The following PTPRD variants were observed in gnomAD, a reference collection of about 807,000 sequenced individuals.
PTPRD encodes receptor-type tyrosine-protein phosphatase delta.
A neutral mutation model predicts 214.5 loss-of-function variants in PTPRD; 34 were observed. The observed-to-expected ratio is 0.16, with a 90% CI of 0.12 to 0.21. PTPRD has a LOEUF of 0.21. PTPRD is among the 10% of genes least tolerant of loss of function. The probability of loss-of-function intolerance (pLI) is 1.00; values close to 1 mark genes in which losing one functional copy is unlikely to be tolerated. For synonymous variants in PTPRD, 1,128 were observed against 845.7 expected (o/e 1.33, Z -5.79); for missense variants, 2,545 against 2,398.7 (o/e 1.06, Z -1.27).
intron 10 of PTPRD, among the ~76,000 whole-genome samples, chr9:9,164,035 C>G (rs2099896251): frequency 1.3e-5 from 2 of 152,102 alleles, no homozygotes; most frequent in Admixed American, 1.3e-4. Flanking sequence ...CTTCCCTTAT[C>G]ATAACACCTA....
chr9:9,816,363 A>T (rs1423773488), intron 5 of PTPRD, among the ~76,000 whole-genome samples: 1 of 152,100 alleles, frequency 6.6e-6, no homozygotes, highest in Non-Finnish European at 1.5e-5. Context: ...CTTTTATTGG[A>T]AAGATCAACC....
chr9:10,433,562 A>G (rs901142271), intron 2 of PTPRD, among the ~76,000 whole-genome samples: 1 of 152,120 alleles, frequency 6.6e-6, no homozygotes, highest in South Asian at 2.1e-4. Context: ...TCATCTGTCT[A>G]ATAATGTCAG....
chr9:9,145,192 C>A lies in PTPRD; in HGVS notation c.-143+38112G>T, dbSNP rs898495859. Among the ~76,000 whole-genome samples, 7 of 152,230 alleles carry A rather than the reference C, an allele frequency of 4.6e-5. No homozygotes were observed. In the East Asian group the frequency reaches 1.4e-3, roughly 29 times the overall value. On this transcript the variant is annotated intron_variant, in intron 10 of 45. Transcript: ENST00000381196. Reference sequence around the variant, plus strand: ...AATCTATCTTGGCCACTGTGAATCACTTTCTAATTTATTTAACATGCAACT... The same window carrying A: ...AATCTATCTTGGCCACTGTGAATCAATTTCTAATTTATTTAACATGCAACT...
chr9:10,195,578 C>T (rs942049036), intron 3 of PTPRD, among the ~76,000 whole-genome samples: 6 of 152,308 alleles, frequency 3.9e-5, no homozygotes, highest in East Asian at 1.9e-4. Context: ...CGCCGTGGCT[C>T]ACGCCTGTGA....
chr9:9,241,666 C>A (rs190663778), intron 9 of PTPRD, among the ~76,000 whole-genome samples: 3 of 151,848 alleles, frequency 2.0e-5, no homozygotes, highest in Admixed American at 6.6e-5. Context: ...AGGATTGCAA[C>A]CCCTGCCTTT....
intron 14 of PTPRD, among the ~76,000 whole-genome samples, chr9:8,582,125 A>G (rs769087730): frequency 6.6e-6 from 1 of 152,190 alleles, no homozygotes; most frequent in Non-Finnish European, 1.5e-5. Flanking sequence ...AAGCTCGGAC[A>G]TAAGTAGGGA....
intron 2 of PTPRD, among the ~76,000 whole-genome samples, chr9:10,564,671 A>G (rs1475836530): frequency 1.3e-5 from 2 of 152,066 alleles, no homozygotes; most frequent in African/African-American, 2.4e-5. Flanking sequence ...GGGCTCACCA[A>G]TATTACTTTT....
In PTPRD at chr9:10,266,119, A is replaced by G. The variant is rs866331215; in HGVS notation, c.-545+74844T>C. On this transcript the variant is annotated intron_variant, in intron 3 of 45. Coordinates refer to ENST00000381196, the MANE Select transcript of PTPRD (RefSeq NM_002839.4). ...CCATCACACATGCACACATGTGCTTACACATGTGGACAGACACACACATAC... is the reference window on the plus strand; with the variant it reads ...CCATCACACATGCACACATGTGCTTGCACATGTGGACAGACACACACATAC... 2.6e-5 allele frequency among the ~76,000 whole-genome samples: 4 copies of G among 152,290 alleles called. 1 individual carries two copies. The Middle Eastern group carries it at 0.01, about 388-fold the overall frequency.
At chr9:8,430,355 A>T (rs1310790824) in intron 35 of PTPRD, among the ~76,000 whole-genome samples, 1 of 151,686 alleles carries the variant, frequency 6.6e-6, no homozygotes, top group Non-Finnish European at 1.5e-5. Context: ...CTGCAGACTC[A>T]ACCCCTTGGG....
chr9:9,925,247 A>C (rs2083860874), intron 5 of PTPRD, among the ~76,000 whole-genome samples: 1 of 152,106 alleles, frequency 6.6e-6, no homozygotes, highest in South Asian at 2.1e-4. Flanking sequence ...AAATGTGAGA[A>C]AGTTCTTATT....
intron 11 of PTPRD, among the ~76,000 whole-genome samples, chr9:8,899,734 G>A (rs1003155472): frequency 1.3e-5 from 2 of 152,116 alleles, no homozygotes; most frequent in African/African-American, 2.4e-5. Context: ...GTCACAATGG[G>A]GATTGCTAAA....
chr9:10,325,526 A>G (rs1282875272), intron 3 of PTPRD, among the ~76,000 whole-genome samples: 2 of 151,966 alleles, frequency 1.3e-5, no homozygotes, highest in Admixed American at 6.6e-5. Context: ...GAAAGTAATA[A>G]TGAGGAATTG....
intron 3 of PTPRD, among the ~76,000 whole-genome samples, chr9:10,318,385 C>T (rs1193039120): frequency 6.6e-6 from 1 of 151,932 alleles, no homozygotes; most frequent in Admixed American, 6.6e-5. Context: ...AATATAGTTA[C>T]TTCACCTCCA....
intron 7 of PTPRD, among the ~76,000 whole-genome samples, chr9:9,593,224 C>A (rs1055279784): frequency 2.0e-5 from 3 of 150,800 alleles, no homozygotes; most frequent in Non-Finnish European, 3.0e-5. Flanking sequence ...TTTTTCCCCC[C>A]CCTCAAAGAA....
chr9:9,411,328 C>G (rs113310801), intron 8 of PTPRD, among the ~76,000 whole-genome samples: 2 of 145,580 alleles, frequency 1.4e-5, no homozygotes, highest in African/African-American at 2.6e-5. Flanking sequence ...TAAAATTGTG[C>G]CTTCTAAGAT....
intron 2 of PTPRD, among the ~76,000 whole-genome samples, chr9:10,559,966 G>T (rs1301738960): frequency 6.6e-6 from 1 of 152,152 alleles, no homozygotes; most frequent in African/African-American, 2.4e-5. Flanking sequence ...TGGTGGGACC[G>T]TAAACTAGTT....
chr9:9,698,094 G>C (rs990599125), intron 7 of PTPRD, among the ~76,000 whole-genome samples: 1 of 152,050 alleles, frequency 6.6e-6, no homozygotes, highest in African/African-American at 2.4e-5. Flanking sequence ...TTACTATTTT[G>C]GATTTTTATC....
intron 11 of PTPRD, among the ~76,000 whole-genome samples, chr9:8,752,210 A>G (rs1327386264): frequency 1.3e-5 from 2 of 152,160 alleles, no homozygotes; most frequent in Non-Finnish European, 2.9e-5. Flanking sequence ...AGGTCCGCAC[A>G]AGATACAGGT....
At chr9:9,622,298 A>G (rs2095270900) in intron 7 of PTPRD, among the ~76,000 whole-genome samples, 1 of 152,216 alleles carries the variant, frequency 6.6e-6, no homozygotes, top group Admixed American at 6.5e-5. Flanking sequence ...TCTCACAGGA[A>G]GACACATATA....
Sources: gnomAD v4.1 joint callset for allele counts (sites outside exome capture counted in the v4.1 genomes callset) on GRCh38, gnomAD v4.1.1 for gene constraint, MANE v1.5 for transcripts, NCBI Gene and HGNC (gene_info 2026-07-23, HGNC 2026-07-21) for gene names.